XKR5: variants seen among roughly 807,000 people sequenced by gnomAD.
XKR5 encodes XK related 5, also known as XK-related protein 5.
In XKR5, 46 loss-of-function variants were observed where a neutral mutation model predicts 40.8. The ratio of observed to expected loss-of-function variants is 1.13; its 90% CI spans 0.89 to 1.44. The LOEUF is 1.44. Among genes scored for constraint, XKR5 ranks in the 40% most tolerant of loss-of-function variants. The probability of loss-of-function intolerance (pLI) is 0.00; values close to 1 mark genes in which losing one functional copy is unlikely to be tolerated. For missense variants in XKR5, 1,169 were observed against 844.7 expected (o/e 1.38, Z -4.76); for synonymous variants, 466 against 356.1 (o/e 1.31, Z -3.48).
intron 2 of XKR5, among the ~76,000 whole-genome samples, chr8:6,831,847 C>T (rs778182128): frequency 9.2e-5 from 14 of 151,900 alleles, no homozygotes; most frequent in African/African-American, 2.4e-4. Context: ...AACCCTGTTT[C>T]GACTAAAAAT....
intron 6 of XKR5, 49 bp downstream of exon 6, chr8:6,815,758 A>C (rs1217208735): frequency 1.5e-6 from 2 of 1,378,774 alleles, no homozygotes; most frequent in South Asian, 2.6e-5. Flanking sequence ...TAAAAAAAAA[A>C]AATACGTTGG....
At chr8:6,812,386 C>A (rs1423440958) in intron 6 of XKR5, 47 bp from the exon 7 acceptor site, 1 of 1,481,860 alleles carries the variant, frequency 6.7e-7, no homozygotes, top group East Asian at 2.5e-5. Context: ...TTGAAGTCTG[C>A]ATCCTCCCTC....
chr8:6,833,420 G>C (rs1804862236), intron 1 of XKR5, among the ~76,000 whole-genome samples: 1 of 152,196 alleles, frequency 6.6e-6, no homozygotes, highest in African/African-American at 2.4e-5. Flanking sequence ...TTGCTTTCCA[G>C]AGTCTCTCCT....
chr8:6,825,758 T>A (rs1804444353), intron 2 of XKR5, among the ~76,000 whole-genome samples: 2 of 152,170 alleles, frequency 1.3e-5, no homozygotes. Flanking sequence ...CTGTGTGTTA[T>A]CATCTCTTTG....
At chr8:6,829,932 G>T (rs577572722) in intron 2 of XKR5, among the ~76,000 whole-genome samples, 1 of 138,730 alleles carries the variant, frequency 7.2e-6, no homozygotes, top group South Asian at 2.3e-4. Flanking sequence ...CCGCCTAACG[G>T]GTTCATGCCA....
At position 6,815,898 on chromosome 8, in the gene XKR5, G is replaced by A. The variant is rs1803937200; in HGVS notation, c.828C>T (p.Ile276=). The A allele has an allele frequency of 2.5e-6, 4 of 1,601,978 alleles. No individual in the cohort carries two copies. Among genetic ancestry groups the A allele is most frequent in the Non-Finnish European group, 3.4e-6 (4 of 1,174,346 alleles). Residue 276 remains isoleucine (I), a synonymous_variant, in exon 6 of 7, where the codon ATC becomes ATT. Transcript: ENST00000618742. Reference sequence around the variant, plus strand: ...AGTCGGTGGCCAACAGCAACAGGATGATGTTCTCCAACAGCATGACCTGCG... The same window carrying A: ...AGTCGGTGGCCAACAGCAACAGGATAATGTTCTCCAACAGCATGACCTGCG... ...TFYMVMLLEN[I]ILLLLATDFL...
At chr8:6,826,811 G>A (rs1367197889) in intron 2 of XKR5, among the ~76,000 whole-genome samples, 1 of 152,176 alleles carries the variant, frequency 6.6e-6, no homozygotes, top group Non-Finnish European at 1.5e-5. Flanking sequence ...ACCAGCAAGG[G>A]TGGGTGGAAG....
chr8:6,825,325 A>C lies in XKR5; in HGVS notation c.267T>G (p.Ser89Arg). 1 of 1,596,566 alleles carries C rather than the reference A, an allele frequency of 6.3e-7. No individual in the cohort carries two copies. Among genetic ancestry groups the C allele is most frequent in the Non-Finnish European group, 8.5e-7 (1 of 1,173,248 alleles). Reference sequence around the variant, plus strand: ...GGGGAGCCTCCAGTTCCTTCTGCAGACTGGTCAGTGCAGCGTCCCAGTGCC... The same window carrying C: ...GGGGAGCCTCCAGTTCCTTCTGCAGCCTGGTCAGTGCAGCGTCCCAGTGCC... ...WKRHWDAALTSLQKELEAPHR... is the reference protein window; with the variant it reads ...WKRHWDAALTRLQKELEAPHR... The change falls in exon 3 of 7, where the codon AGT (serine) becomes AGG (arginine). Residue 89 changes from serine to arginine, a missense_variant. Transcript: ENST00000618742.
rs1375294392 is a variant in XKR5 at position 6,810,949 on chromosome 8, G to A, written c.*249C>T. On this transcript the variant is annotated 3_prime_UTR_variant, in exon 7 of 7. Transcript: ENST00000618742. ...AAAAGGTAGCAGACAATTTTGACTG[G>A]AATCTCTTTCTCCTCCTCTAAAGTA... The A allele has an allele frequency of 5.7e-6, 2 of 352,598 alleles. No individual in the cohort carries two copies. Among genetic ancestry groups the A allele is most frequent in the East Asian group, 9.1e-5 (2 of 21,988 alleles). 21.8% of individuals were successfully genotyped at this position (352,598 alleles called of 1,614,324 possible).
intron 1 of XKR5, among the ~76,000 whole-genome samples, chr8:6,835,011 G>A (rs1172630652): frequency 1.3e-5 from 2 of 152,284 alleles, no homozygotes; most frequent in Admixed American, 6.5e-5. Context: ...GGGGTCGGGG[G>A]AGAGCCCGGG....
At chr8:6,823,156 T>C (rs1207622564) in intron 4 of XKR5, among the ~76,000 whole-genome samples, 1 of 152,208 alleles carries the variant, frequency 6.6e-6, no homozygotes, top group Non-Finnish European at 1.5e-5. Context: ...TGTGTACTCA[T>C]CGGGAGCTGC....
intron 5 of XKR5, among the ~76,000 whole-genome samples, chr8:6,820,765 C>T (rs764025155): frequency 1.3e-5 from 2 of 152,126 alleles, no homozygotes; most frequent in African/African-American, 4.8e-5. Flanking sequence ...GTGAGCTCTG[C>T]CTGGCTCTAT....
intron 2 of XKR5, among the ~76,000 whole-genome samples, chr8:6,825,855 G>A (rs1038483058): frequency 6.6e-6 from 1 of 152,230 alleles, no homozygotes; most frequent in East Asian, 1.9e-4. Flanking sequence ...ATGAAGAGCA[G>A]ACAGGGAAGA....
chr8:6,829,896 G>T lies in XKR5; in HGVS notation c.242+2821C>A, dbSNP rs1804680416. Reference sequence around the variant, plus strand: ...TCTGTCACCCAAGCTGGAGTCCAGTGATGCAATCTCGGCTCACTGCAAGTT... The same window carrying T: ...TCTGTCACCCAAGCTGGAGTCCAGTTATGCAATCTCGGCTCACTGCAAGTT... On this transcript the variant is annotated intron_variant, in intron 2 of 6. Transcript: ENST00000618742. Among the ~76,000 whole-genome samples, 3 of 131,288 alleles carry T rather than the reference G, an allele frequency of 2.3e-5. No individual in the cohort carries two copies. The South Asian group carries it at 7.3e-4, about 32-fold the overall frequency. 86.1% of individuals were successfully genotyped at this position (131,288 alleles called of 152,430 possible). A position where few individuals can be genotyped will look rare whatever the true frequency, so the allele number is the denominator to read the frequency against.
chr8:6,817,762 A>G (rs1804030080), intron 5 of XKR5, among the ~76,000 whole-genome samples: 1 of 152,244 alleles, frequency 6.6e-6, no homozygotes, highest in Non-Finnish European at 1.5e-5. Context: ...TCTATTACCC[A>G]GAACTGTCTC....
intron 1 of XKR5, among the ~76,000 whole-genome samples, chr8:6,834,256 C>T (rs1349645183): frequency 6.6e-6 from 1 of 152,226 alleles, no homozygotes; most frequent in Non-Finnish European, 1.5e-5. Flanking sequence ...GATGAATGAA[C>T]ACAAGCCGCG....
intron 4 of XKR5, 56 bp downstream of exon 4, chr8:6,823,465 T>A: frequency 6.5e-7 from 1 of 1,531,142 alleles, no homozygotes; most frequent in Non-Finnish European, 8.9e-7. Flanking sequence ...GAGACCTTCA[T>A]TTCTGGGTTG....
intron 2 of XKR5, 86 bp from the exon 3 acceptor site, chr8:6,825,435 T>A: frequency 7.4e-7 from 1 of 1,342,714 alleles, no homozygotes; most frequent in South Asian, 1.6e-5. Flanking sequence ...ACATACTACA[T>A]GCTAAGCAAT....
chr8:6,816,215 G>C (rs1166768817), intron 5 of XKR5, among the ~76,000 whole-genome samples: 1 of 152,130 alleles, frequency 6.6e-6, no homozygotes, highest in Non-Finnish European at 1.5e-5. Flanking sequence ...GAGTCATTAT[G>C]GGCTGAGAGG....
Sources: gnomAD v4.1 joint callset for allele counts (sites outside exome capture counted in the v4.1 genomes callset) on GRCh38, gnomAD v4.1.1 for gene constraint, MANE v1.5 for transcripts, NCBI Gene and HGNC (gene_info 2026-07-23, HGNC 2026-07-21) for gene names.